The following RSL1D1 variants were observed in gnomAD, a reference collection of about 807,000 sequenced individuals.
The protein encoded by RSL1D1 is ribosomal L1 domain-containing protein 1.
In RSL1D1, 34 loss-of-function variants were observed where a neutral mutation model predicts 44.6. That is an observed-to-expected ratio of 0.76 (90% CI 0.58 to 1.02). The LOEUF (loss-of-function observed/expected upper bound fraction) is 1.02. Among genes scored for constraint, RSL1D1 ranks in the 50% least tolerant of loss-of-function variants. The probability of loss-of-function intolerance (pLI) is 0.00; values close to 1 mark genes in which losing one functional copy is unlikely to be tolerated. For synonymous variants in RSL1D1, 271 were observed against 207.4 expected (o/e 1.31, Z -2.63); for missense variants, 767 against 568.1 (o/e 1.35, Z -3.56).
In RSL1D1 at chr16:11,846,701, C is replaced by G. The variant is rs1358923998; in HGVS notation, c.527G>C (p.Arg176Thr). Reference protein sequence around the residue: ...PSLIGRHFYQRKKVPVSVNLL... With the variant: ...PSLIGRHFYQTKKVPVSVNLL... ...TCATTACTAAGAAACTTACTTCTTT[C>G]TTTGATAGAAATGTCTCCCAATGAG... The change falls in exon 4 of 9, where the codon AGA (arginine) becomes ACA (threonine). Residue 176 changes from arginine (R) to threonine (T), a missense_variant. Physicochemically the swap from Arg to Thr is moderately conservative, Grantham distance 71. Transcript: ENST00000571133. 1 of 1,613,820 alleles carries G rather than the reference C, an allele frequency of 6.2e-7. No individual in the cohort carries two copies. Among genetic ancestry groups the G allele is most frequent in the Non-Finnish European group, 8.5e-7 (1 of 1,179,932 alleles).
At chr16:11,838,719 T>C (rs1166529160) in intron 8 of RSL1D1, among the ~76,000 whole-genome samples, 1 of 151,124 alleles carries the variant, frequency 6.6e-6, no homozygotes, top group Non-Finnish European at 1.5e-5. Flanking sequence ...TAGCCAGGCA[T>C]GTTGGCACAC....
At chr16:11,840,063 A>T in intron 7 of RSL1D1, 78 bp from the exon 8 acceptor site, 1 of 1,544,104 alleles carries the variant, frequency 6.5e-7, no homozygotes, top group Non-Finnish European at 8.7e-7. Flanking sequence ...TACCACGTGC[A>T]GTTTTGATTA....
rs1364611665 is a variant in RSL1D1 at position 11,839,771 on chromosome 16, G to A, written c.1070C>T (p.Ala357Val). 6 of 1,613,946 alleles carry A rather than the reference G, an allele frequency of 3.7e-6. No homozygotes were observed. The highest frequency in any genetic ancestry group is 5.1e-6 in the Non-Finnish European group (6 of 1,180,022). The change falls in exon 8 of 9, where the codon GCA (alanine) becomes GTA (valine). Residue 357 changes from alanine (A) to valine (V), a missense_variant. Physicochemically the swap from Ala to Val is moderately conservative, Grantham distance 64 (BLOSUM62 0). Transcript: ENST00000571133. The stretch of plus-strand genomic sequence containing the variant: ...GATTTCGTCTTCGGATTCATTTGTT[G>A]CTTTAACTTGGGCTTTTCCTCTGCC... Reference protein sequence around the residue: ...KRGRGKAQVKATNESEDEIPQ... With the variant: ...KRGRGKAQVKVTNESEDEIPQ...
In RSL1D1 at chr16:11,835,493, AGGGAAGG is replaced by A. The variant is rs1469409410; in HGVS notation, c.*2287_*2293del. ...GCCTCATTTTTTTTGAGACTGGGCC[AGGGAAGG>A]GGGCAGTGGGCCAGGGACTGTCTCT... On this transcript the variant is annotated 3_prime_UTR_variant, in exon 9 of 9. Coordinates refer to ENST00000571133, the MANE Select transcript of RSL1D1 (RefSeq NM_015659.3). The A allele has an allele frequency of 1.3e-5, 2 of 151,358 alleles. No individual in the cohort carries two copies. Among genetic ancestry groups the A allele is most frequent in the Non-Finnish European group, 2.9e-5 (2 of 68,020 alleles). 9.4% of individuals were successfully genotyped at this position (151,358 alleles called of 1,614,324 possible). A position where few individuals can be genotyped will look rare whatever the true frequency, so the allele number is the denominator to read the frequency against.
In RSL1D1 at chr16:11,837,746, G is replaced by A; in HGVS notation, c.*41C>T. On this transcript the variant is annotated 3_prime_UTR_variant, in exon 9 of 9. Transcript: ENST00000571133. ...GATCTGAGTATTTCCAAAAAGCTCT[G>A]GAGGCAGCATTGAGGTTTCCTTCCA... 1.3e-6 allele frequency: 2 copies of A among 1,513,822 alleles called. No individual in the cohort carries two copies. Among genetic ancestry groups the A allele is most frequent in the Non-Finnish European group, 1.8e-6 (2 of 1,111,354 alleles). The allele number at this position is 1,513,822 out of a possible 1,614,324, so 93.8% of individuals were successfully genotyped here. A position where few individuals can be genotyped will look rare whatever the true frequency, so the allele number is the denominator to read the frequency against.
chr16:11,847,633 C>G, intron 3 of RSL1D1, 35 bp downstream of exon 3: 1 of 1,564,562 alleles, frequency 6.4e-7, no homozygotes, highest in Non-Finnish European at 8.7e-7. Flanking sequence ...ATTAAATCCT[C>G]TAAATAACTT....
Position 11,839,695 on chromosome 16 carries a change from C to T in RSL1D1, c.1146G>A (p.Glu382=), listed in dbSNP as rs2053750066. Residue 382 remains glutamate, a splice_region_variant and synonymous_variant, in exon 8 of 9, where the codon GAG becomes GAA. Coordinates refer to ENST00000571133, the MANE Select transcript of RSL1D1 (RefSeq NM_015659.3). ...GKKTPANEKV[E]IQKHATGKKS... ...TGAACAGTAAATATTAAAACAATAC[C>T]TCTACTTTTTCATTAGCTGGAGTCT... is the stretch of plus-strand genomic sequence containing the variant. The T allele has an allele frequency of 1.2e-6, 2 of 1,613,556 alleles. No homozygotes were observed. The highest frequency in any genetic ancestry group is 1.7e-6 in the Non-Finnish European group (2 of 1,179,882).
chr16:11,847,398 G>T (rs2053806509), intron 3 of RSL1D1, among the ~76,000 whole-genome samples: 1 of 151,960 alleles, frequency 6.6e-6, no homozygotes, highest in African/African-American at 2.4e-5. Flanking sequence ...AGATACCTTA[G>T]ATCCAGAGGG....
intron 5 of RSL1D1, among the ~76,000 whole-genome samples, chr16:11,843,665 G>C (rs1286777857): frequency 6.6e-6 from 1 of 151,716 alleles, no homozygotes; most frequent in Non-Finnish European, 1.5e-5. Context: ...TCAGGAGACC[G>C]AGACCATCCT....
intron 7 of RSL1D1, among the ~76,000 whole-genome samples, 160 bp from the exon 8 acceptor site, chr16:11,840,145 G>A (rs909741416): frequency 2.6e-5 from 4 of 152,264 alleles, no homozygotes; most frequent in South Asian, 4.1e-4. Flanking sequence ...AACCTCAACC[G>A]CAGTTTTTGA....
rs2053764797 is a variant in RSL1D1, at chr16:11,841,714, A to C, written c.836T>G (p.Leu279Trp). The C allele has an allele frequency of 6.2e-7, 1 of 1,612,616 alleles. No homozygotes were observed. Among genetic ancestry groups the C allele is most frequent in the East Asian group, 2.2e-5 (1 of 44,870 alleles). The change falls in exon 7 of 9, where the codon TTG becomes TGG. Residue 279 changes from leucine to tryptophan, a missense_variant. Transcript: ENST00000571133. The stretch of plus-strand genomic sequence containing the variant: ...ACTAACTTTTTTCTTCTTATTAAGC[A>C]AAGATCTTTTGGTGGCTTCATCCCA... ...SNWDEATKRS[L>W]LNKKKKEARR...
In RSL1D1 at chr16:11,851,542, T is replaced by G. The variant is rs749108594; in HGVS notation, c.-30A>C. The G allele has an allele frequency of 1.2e-6, 2 of 1,604,136 alleles. No homozygotes were observed. The highest frequency in any genetic ancestry group is 1.7e-6 in the Non-Finnish European group (2 of 1,173,390). ...TTTCCACCTCGTGAAGAGGCGCGTG[T>G]GCAACCCCACTGCTGGCTTCTGGTG... On this transcript the variant is annotated 5_prime_UTR_variant, in exon 1 of 9. Coordinates refer to ENST00000571133, the MANE Select transcript of RSL1D1 (RefSeq NM_015659.3).
rs777361103 is a variant in RSL1D1, at chr16:11,841,860, TGTTTCTTTTAA to T, written c.729+36_730-41del. The T allele has an allele frequency of 3.7e-6, 6 of 1,611,892 alleles. No homozygotes were observed. In the African/African-American group the frequency reaches 8.0e-5, roughly 22 times the overall value. On this transcript the variant is annotated intron_variant, in intron 6 of 8. Transcript: ENST00000571133. Reference sequence around the variant, plus strand: ...AGAGTAACATCGTCTACATATACTTTGTTTCTTTTAAATGAACAATCAATTGATGCACCTGT... The same window carrying T: ...AGAGTAACATCGTCTACATATACTTTATGAACAATCAATTGATGCACCTGT...
At chr16:11,844,503 C>T (rs922372768) in intron 5 of RSL1D1, among the ~76,000 whole-genome samples, 3 of 152,146 alleles carry the variant, frequency 2.0e-5, no homozygotes, top group Non-Finnish European at 2.9e-5. Flanking sequence ...GGGGTCTAGG[C>T]TCCGTGACCA....
chr16:11,851,502 G>C lies in RSL1D1; in HGVS notation c.11C>G (p.Ser4Trp), dbSNP rs1002488843. The change falls in exon 1 of 9, where the codon TCG becomes TGG. Residue 4 changes from serine (S) to tryptophan (W), a missense_variant. Transcript: ENST00000571133. ...TGCAGAAGACAGCGAGGCCGAGGCC[G>C]AATCCTCCATCTTGTTTCCACCTCG... Reference protein sequence around the residue: MEDSASASLSSAAA... With the variant: MEDWASASLSSAAA... The C allele has an allele frequency of 3.7e-6, 6 of 1,613,562 alleles. No individual in the cohort carries two copies. The highest frequency in any genetic ancestry group is 2.7e-5 in the African/African-American group (2 of 74,926).
chr16:11,840,258 G>A (rs1334846901), intron 7 of RSL1D1, among the ~76,000 whole-genome samples: 1 of 152,134 alleles, frequency 6.6e-6, no homozygotes, highest in Non-Finnish European at 1.5e-5. Flanking sequence ...AACACAGTAT[G>A]GTTTAGAGTG....
At chr16:11,848,503 C>T (rs909049904) in intron 2 of RSL1D1, among the ~76,000 whole-genome samples, 2 of 152,172 alleles carry the variant, frequency 1.3e-5, no homozygotes. Context: ...AAACTCTTAG[C>T]TCCATAAACA....
In RSL1D1 at chr16:11,841,740, A is replaced by G. The variant is rs561371923; in HGVS notation, c.810T>C (p.Asn270=). The G allele has an allele frequency of 3.5e-5, 57 of 1,613,998 alleles. No homozygotes were observed. The South Asian group carries it at 5.7e-4, about 16-fold the overall frequency. The change falls in exon 7 of 9, where the codon AAT becomes AAC. Residue 270 remains asparagine, a synonymous_variant. Transcript: ENST00000571133. ...AAGATCTTTTGGTGGCTTCATCCCA[A>G]TTGCTGACAAACGAGGAAAAGATGG... The part of the protein sequence containing the change: ...ALPIFSSFVS[N]WDEATKRSLL...
intron 2 of RSL1D1, 85 bp from the exon 3 acceptor site, chr16:11,847,891 T>TA: frequency 1.5e-6 from 2 of 1,342,630 alleles, no homozygotes; most frequent in Non-Finnish European, 1.0e-6. Flanking sequence ...GCGATAAACT[T>TA]AGTGTTATTT....
Sources: gnomAD v4.1 joint callset for allele counts (sites outside exome capture counted in the v4.1 genomes callset) on GRCh38, gnomAD v4.1.1 for gene constraint, MANE v1.5 for transcripts, NCBI Gene and HGNC (gene_info 2026-07-23, HGNC 2026-07-21) for gene names.